The following PHC3 variants were observed in gnomAD, a reference collection of about 807,000 sequenced individuals.
PHC3 encodes polyhomeotic homolog 3, also known as polyhomeotic-like protein 3.
A neutral mutation model predicts 107.4 loss-of-function variants in PHC3; 13 were observed. The ratio of observed to expected loss-of-function variants is 0.12; its 90% confidence interval spans 0.08 to 0.19. The LOEUF is 0.19. Ranked by LOEUF, PHC3 falls within the 10% of genes least tolerant of loss-of-function variation. The pLI, the probability that PHC3 is intolerant of heterozygous loss-of-function variation, is 1.00. For synonymous variants in PHC3, 456 were observed against 427.4 expected (o/e 1.07, Z -0.83); for missense variants, 992 against 1,210.9 (o/e 0.82, Z 2.68).
rs1362783416 is a variant in PHC3 at position 170,093,351 on chromosome 3, A to T, written c.*3879T>A. On this transcript the variant is annotated 3_prime_UTR_variant, in exon 15 of 15. Coordinates refer to ENST00000495893, the MANE Select transcript of PHC3 (RefSeq NM_024947.4). ...TGAGATGAGGCCCTTTCATGCCATT[A>T]GCTAATGCTCAATGCCAGTAGGCTG... The T allele has an allele frequency of 1.3e-5, 2 of 152,200 alleles. No homozygotes were observed. Among genetic ancestry groups the T allele is most frequent in the Admixed American group, 1.3e-4 (2 of 15,274 alleles). 9.4% of individuals were successfully genotyped at this position (152,200 alleles called of 1,614,324 possible).
At chr3:170,101,437 A>C (rs1715458394) in intron 14 of PHC3, among the ~76,000 whole-genome samples, 1 of 152,196 alleles carries the variant, frequency 6.6e-6, no homozygotes, top group Admixed American at 6.6e-5. Context: ...GCCATCAGAG[A>C]AAGACTAATT....
Position 170,093,086 on chromosome 3 carries a change from G to C in PHC3, c.*4144C>G, listed in dbSNP as rs1253003989. Reference sequence around the variant, plus strand: ...GAAAACCTTCCTTAGGGCCCAGCTAGTTACATATGTAGTACACAAGATAGA... The same window carrying C: ...GAAAACCTTCCTTAGGGCCCAGCTACTTACATATGTAGTACACAAGATAGA... On this transcript the variant is annotated 3_prime_UTR_variant, in exon 15 of 15. Coordinates refer to ENST00000495893, the MANE Select transcript of PHC3 (RefSeq NM_024947.4). The C allele has an allele frequency of 6.6e-6, 1 of 152,112 alleles. No homozygotes were observed. The highest frequency in any genetic ancestry group is 1.5e-5 in the Non-Finnish European group (1 of 68,064). The allele number at this position is 152,112 out of a possible 1,614,324, so 9.4% of individuals were successfully genotyped here.
intron 5 of PHC3, 35 bp downstream of exon 5, chr3:170,149,051 T>C (rs1211360662): frequency 6.3e-7 from 1 of 1,596,260 alleles, no homozygotes; most frequent in Non-Finnish European, 8.6e-7. Flanking sequence ...CTCAAGTCCT[T>C]AAACACTGAA....
chr3:170,139,487 T>G (rs1315047120), intron 6 of PHC3, among the ~76,000 whole-genome samples: 1 of 152,184 alleles, frequency 6.6e-6, no homozygotes, highest in Non-Finnish European at 1.5e-5. Context: ...CTGAAAAACC[T>G]GAAATGAAAA....
chr3:170,122,358 C>A (rs1047931793), intron 9 of PHC3, among the ~76,000 whole-genome samples: 1 of 152,190 alleles, frequency 6.6e-6, no homozygotes, highest in Non-Finnish European at 1.5e-5. Flanking sequence ...AATCCTGACA[C>A]TTTGCAAGGC....
chr3:170,119,570 T>C (rs1719791414), intron 9 of PHC3, among the ~76,000 whole-genome samples: 1 of 152,088 alleles, frequency 6.6e-6, no homozygotes, highest in Non-Finnish European at 1.5e-5. Flanking sequence ...TGTATTACAA[T>C]AGAAGAGAAA....
At chr3:170,109,497 TG>T (rs1196736543) in intron 11 of PHC3, among the ~76,000 whole-genome samples, 2 of 152,196 alleles carry the variant, frequency 1.3e-5, no homozygotes, top group Non-Finnish European at 2.9e-5. Flanking sequence ...GACTGATCTT[TG>T]GGTTATGTCA....
chr3:170,106,023 C>T (rs1261451685), intron 12 of PHC3, among the ~76,000 whole-genome samples: 3 of 152,070 alleles, frequency 2.0e-5, no homozygotes, highest in East Asian at 1.9e-4. Context: ...ACCAGCCTGG[C>T]GAACATGGTG....
At chr3:170,099,562 A>G (rs1274353670) in intron 14 of PHC3, among the ~76,000 whole-genome samples, 1 of 152,180 alleles carries the variant, frequency 6.6e-6, no homozygotes, top group African/African-American at 2.4e-5. Context: ...ACATACACCA[A>G]CTGACACAGC....
intron 4 of PHC3, among the ~76,000 whole-genome samples, chr3:170,151,860 T>A (rs1276151098): frequency 6.6e-6 from 1 of 152,070 alleles, no homozygotes; most frequent in Non-Finnish European, 1.5e-5. Flanking sequence ...GACATTAACA[T>A]CTGAACTAAC....
At chr3:170,103,219 T>C (rs1287817255) in intron 12 of PHC3, among the ~76,000 whole-genome samples, 2 of 152,136 alleles carry the variant, frequency 1.3e-5, no homozygotes, top group East Asian at 3.8e-4. Context: ...GGAAACTGCC[T>C]GCAAAATACA....
chr3:170,143,570 C>T (rs6775783), intron 6 of PHC3, among the ~76,000 whole-genome samples: 93,201 of 151,960 alleles, frequency 0.61, 28,635 homozygotes, highest in Non-Finnish European at 0.66. Flanking sequence ...CCCTAAAATA[C>T]CCATTTCTGC....
chr3:170,102,561 G>A lies in PHC3; in HGVS notation c.2751C>T (p.Asn917=). The change falls in exon 14 of 15, where the codon AAC becomes AAT. Residue 917 remains asparagine (N), a synonymous_variant. Coordinates refer to ENST00000495893, the MANE Select transcript of PHC3 (RefSeq NM_024947.4). ...RDVRIRKMPE[N]SDLLPVAQTE... ...TTTGTGCAACTGGTAGCAAGTCACT[G>A]TTCTCAGGCATTTTCCGAATTCTCA... 1 of 1,613,882 alleles carries A rather than the reference G, an allele frequency of 6.2e-7. No individual in the cohort carries two copies. The highest frequency in any genetic ancestry group is 8.5e-7 in the Non-Finnish European group (1 of 1,179,836).
intron 11 of PHC3, among the ~76,000 whole-genome samples, chr3:170,107,561 T>C (rs897049944): frequency 9.9e-5 from 15 of 152,190 alleles, no homozygotes; most frequent in Admixed American, 5.9e-4. Flanking sequence ...GTGGGCAGCA[T>C]AGCAAGACCC....
rs1225446113 is a variant in PHC3, at chr3:170,129,097, T to C, written c.1375A>G (p.Thr459Ala). The change falls in exon 8 of 15, where the codon ACA becomes GCA. Residue 459 changes from threonine to alanine, a missense_variant. Physicochemically the swap from Thr to Ala is moderately conservative, Grantham distance 58. Transcript: ENST00000495893. The part of the protein sequence containing the change: ...QQSTANQVQA[T>A]AQLNLPSHLP... ...TGGGATGGAAGATTCAACTGTGCTG[T>C]AGCTTGCACCTGATTAGCAGTGGAC... is the stretch of plus-strand genomic sequence containing the variant. The C allele has an allele frequency of 6.2e-7, 1 of 1,612,584 alleles. No homozygotes were observed. The highest frequency in any genetic ancestry group is 1.7e-4 in the Middle Eastern group (1 of 6,060).
intron 14 of PHC3, among the ~76,000 whole-genome samples, chr3:170,098,227 G>T (rs1714902781): frequency 6.6e-6 from 1 of 152,006 alleles, no homozygotes; most frequent in African/African-American, 2.4e-5. Flanking sequence ...CCCATTAAGG[G>T]TAAAGAAACC....
rs901404867 is a variant in PHC3 at position 170,105,898 on chromosome 3, A to C, written c.2468+934T>G. On this transcript the variant is annotated intron_variant, in intron 12 of 14. Coordinates refer to ENST00000495893, the MANE Select transcript of PHC3 (RefSeq NM_024947.4). ...GAATTATACGATTAATGAAGAGACTAAACATTTATTTTGTTATTAATACTA... is the reference window on the plus strand; with the variant it reads ...GAATTATACGATTAATGAAGAGACTCAACATTTATTTTGTTATTAATACTA... Among the ~76,000 whole-genome samples, 27 of 152,184 alleles carry C rather than the reference A, an allele frequency of 1.8e-4. 1 individual carries two copies. The highest frequency in any genetic ancestry group is 7.7e-4 in the East Asian group (4 of 5,200).
At chr3:170,105,937 C>T (rs1716412966) in intron 12 of PHC3, among the ~76,000 whole-genome samples, 1 of 152,162 alleles carries the variant, frequency 6.6e-6, no homozygotes, top group Non-Finnish European at 1.5e-5. Flanking sequence ...ATCAGCCAGG[C>T]GTGGTGGCTC....
At chr3:170,146,389 AAAAG>A (rs1341146053) in intron 5 of PHC3, among the ~76,000 whole-genome samples, 294 of 151,438 alleles carry the variant, frequency 1.9e-3, no homozygotes, top group Middle Eastern at 0.017. Flanking sequence ...AAAAAAAAAG[AAAAG>A]AAAGAAAGAT....
Sources: allele counts gnomAD v4.1 joint callset (sites outside exome capture counted in the v4.1 genomes callset), GRCh38; gene constraint gnomAD v4.1.1; transcripts MANE v1.5; gene names NCBI Gene and HGNC (gene_info 2026-07-23, HGNC 2026-07-21).